CDK14: variants seen among roughly 807,000 people sequenced by gnomAD.
CDK14 encodes cyclin-dependent kinase 14.
In CDK14, 34 loss-of-function variants were observed where a neutral mutation model predicts 60.7. That is an observed-to-expected ratio of 0.56 (90% confidence interval 0.43 to 0.75). The LOEUF (loss-of-function observed/expected upper bound fraction) is 0.75. Among genes scored for constraint, CDK14 ranks in the 30% least tolerant of loss-of-function variants. The probability of loss-of-function intolerance (pLI) is 0.00; values close to 1 mark genes in which losing one functional copy is unlikely to be tolerated. For missense variants in CDK14, 482 were observed against 564.1 expected (o/e 0.85, Z 1.47); for synonymous variants, 197 against 203.7 (o/e 0.97, Z 0.28).
At chr7:90,999,972 G>A (rs1435398753) in intron 10 of CDK14, among the ~76,000 whole-genome samples, 1 of 152,162 alleles carries the variant, frequency 6.6e-6, no homozygotes, top group South Asian at 2.1e-4. Flanking sequence ...GTAATGACTG[G>A]GCCATATGAA....
At chr7:90,904,249 C>A (rs889162518) in intron 7 of CDK14, among the ~76,000 whole-genome samples, 1 of 152,014 alleles carries the variant, frequency 6.6e-6, no homozygotes, top group Admixed American at 6.5e-5. Context: ...CATTCCAAGA[C>A]GACAGACCTG....
chr7:90,658,710 A>G (rs775929300), intron 2 of CDK14, among the ~76,000 whole-genome samples: 2 of 152,170 alleles, frequency 1.3e-5, no homozygotes, highest in African/African-American at 2.4e-5. Context: ...TGCTGGAGAT[A>G]TGGGTTGTTA....
chr7:90,837,474 GA>G (rs1172198724), intron 5 of CDK14, among the ~76,000 whole-genome samples: 1 of 151,848 alleles, frequency 6.6e-6, no homozygotes, highest in Admixed American at 6.6e-5. Context: ...ATTTCTAAGT[GA>G]AATAAAATTC....
intron 11 of CDK14, 104 bp from the exon 12 acceptor site, chr7:91,079,328 G>T: frequency 1.4e-6 from 1 of 701,580 alleles, no homozygotes; most frequent in South Asian, 1.8e-5. Context: ...TGGCCTAACT[G>T]ACTGAGTAGC....
At chr7:91,124,525 A>G (rs1448496976) in intron 14 of CDK14, among the ~76,000 whole-genome samples, 1 of 151,800 alleles carries the variant, frequency 6.6e-6, no homozygotes, top group Non-Finnish European at 1.5e-5. Context: ...TTCTCTGATT[A>G]AGGTTTTAAA....
intron 2 of CDK14, among the ~76,000 whole-genome samples, chr7:90,622,416 CT>C (rs1799790561): frequency 1.1e-4 from 17 of 152,232 alleles, no homozygotes; most frequent in Admixed American, 1.0e-3. Context: ...TTTCTTGAAA[CT>C]TTTATTAGTA....
At chr7:91,129,595 A>T (rs1047048133) in intron 14 of CDK14, among the ~76,000 whole-genome samples, 2 of 152,170 alleles carry the variant, frequency 1.3e-5, no homozygotes, top group African/African-American at 4.8e-5. Flanking sequence ...AGAATGACTG[A>T]CAGGAAAAAC....
At chr7:90,723,499 A>C (rs1802530226) in intron 2 of CDK14, among the ~76,000 whole-genome samples, 1 of 152,142 alleles carries the variant, frequency 6.6e-6, no homozygotes, top group South Asian at 2.1e-4. Context: ...AGGTCTGGTG[A>C]TCTAAGAGGG....
chr7:90,853,237 T>A (rs1790708009), intron 5 of CDK14, among the ~76,000 whole-genome samples: 2 of 152,180 alleles, frequency 1.3e-5, no homozygotes, highest in Non-Finnish European at 2.9e-5. Flanking sequence ...TGAAAAACTT[T>A]GTTGGCTGAC....
At chr7:91,083,973 T>C (rs1457203765) in intron 12 of CDK14, among the ~76,000 whole-genome samples, 3 of 152,224 alleles carry the variant, frequency 2.0e-5, no homozygotes, top group African/African-American at 4.8e-5. Context: ...TCCACAGATA[T>C]AGTTGTGATG....
chr7:90,684,783 GTCCATCCA>G (rs374729381), intron 2 of CDK14, among the ~76,000 whole-genome samples: 6 of 152,064 alleles, frequency 3.9e-5, no homozygotes, highest in African/African-American at 1.4e-4. Flanking sequence ...CTGTCTGTCC[GTCCATCCA>G]TCCATCCATT....
Position 90,839,578 on chromosome 7 carries a change from A to C in CDK14, c.545-23597A>C, listed in dbSNP as rs369224285. Among the ~76,000 whole-genome samples the C allele has an allele frequency of 5.3e-5, 8 of 152,328 alleles. No individual in the cohort carries two copies. The South Asian group carries it at 1.4e-3, about 28-fold the overall frequency. ...ATGTGTCTCTCAAGATTTAAAAACA[A>C]ATGGCAAATTTGTGCCTCAGGAGTC... is the stretch of plus-strand genomic sequence containing the variant. On this transcript the variant is annotated intron_variant, in intron 5 of 14. Coordinates refer to ENST00000380050, the MANE Select transcript of CDK14 (RefSeq NM_001287135.2).
At chr7:91,053,409 G>A (rs973975789) in intron 11 of CDK14, among the ~76,000 whole-genome samples, 3 of 152,050 alleles carry the variant, frequency 2.0e-5, no homozygotes, top group Admixed American at 1.3e-4. Context: ...CTTTAAGAGA[G>A]CTTCCCTGCC....
At chr7:91,195,937 A>C (rs1241027541) in intron 14 of CDK14, among the ~76,000 whole-genome samples, 3 of 152,188 alleles carry the variant, frequency 2.0e-5, no homozygotes, top group Non-Finnish European at 2.9e-5. Flanking sequence ...CCTAACAGGC[A>C]AACATGTGTC....
chr7:90,651,408 C>T (rs143218824), intron 2 of CDK14, among the ~76,000 whole-genome samples: 5 of 152,190 alleles, frequency 3.3e-5, no homozygotes, highest in African/African-American at 4.8e-5. Flanking sequence ...ATGCTGGTAA[C>T]TCCACATCTC....
intron 1 of CDK14, among the ~76,000 whole-genome samples, chr7:90,599,048 T>C (rs910348997): frequency 6.6e-6 from 1 of 152,198 alleles, no homozygotes; most frequent in African/African-American, 2.4e-5. Flanking sequence ...AGTTGAGGGC[T>C]TACTGTGGGA....
At position 90,744,850 on chromosome 7, in the gene CDK14, A is replaced by AC. The variant is rs1197313176; in HGVS notation, c.370-2824dup. On this transcript the variant is annotated intron_variant, in intron 3 of 14. Coordinates refer to ENST00000380050, the MANE Select transcript of CDK14 (RefSeq NM_001287135.2). ...CCACCTCCCTCCCGGACGGGGGCTGACCCCCCCACCTCCCTCCCGGACGGG... is the reference window on the plus strand; with the variant it reads ...CCACCTCCCTCCCGGACGGGGGCTGACCCCCCCCACCTCCCTCCCGGACGGG... Among the ~76,000 whole-genome samples the AC allele has an allele frequency of 2.3e-5, 3 of 128,144 alleles. 1 individual carries two copies. Among genetic ancestry groups the AC allele is most frequent in the African/African-American group, 6.2e-5 (2 of 32,126 alleles). The allele number at this position is 128,144 out of a possible 152,430, so 84.1% of individuals were successfully genotyped here.
chr7:90,675,400 A>ATT (rs11397070), intron 2 of CDK14, among the ~76,000 whole-genome samples: 195 of 151,476 alleles, frequency 1.3e-3, no homozygotes, highest in East Asian at 4.9e-3. Context: ...TGAATATAGG[A>ATT]TTTTTTTTTC....
At chr7:91,112,335 TTA>T (rs1207483117) in intron 12 of CDK14, among the ~76,000 whole-genome samples, 2 of 147,830 alleles carry the variant, frequency 1.4e-5, no homozygotes, top group Non-Finnish European at 3.0e-5. Flanking sequence ...TTTAAATCAA[TTA>T]TACTGTTATA....
Sources: allele counts gnomAD v4.1 joint callset (sites outside exome capture counted in the v4.1 genomes callset), GRCh38; gene constraint gnomAD v4.1.1; transcripts MANE v1.5; gene names NCBI Gene and HGNC (gene_info 2026-07-23, HGNC 2026-07-21).